ZNF469: variants seen among roughly 807,000 people sequenced by gnomAD.
The protein encoded by ZNF469 is zinc finger protein 469.
In ZNF469, 1 loss-of-function variant was observed where a neutral mutation model predicts 1.0. The ratio of observed to expected loss-of-function variants is 1.00; its 90% CI spans 0.35 to 4.73. The LOEUF (loss-of-function observed/expected upper bound fraction) is 4.73, where lower values mean the gene tolerates loss of function less well. ZNF469 is among the 30% of genes most tolerant of loss of function. The pLI is 0.16. For synonymous variants in ZNF469, 2,703 were observed against 2,363.4 expected (o/e 1.14, Z -4.17); for missense variants, 6,100 against 5,356.3 (o/e 1.14, Z -4.33).
intron 1 of ZNF469, among the ~76,000 whole-genome samples, chr16:88,399,810 T>C (rs1042168101): frequency 3.9e-5 from 6 of 152,026 alleles, no homozygotes; most frequent in African/African-American, 1.4e-4. Flanking sequence ...CTCGCAGGAG[T>C]GCACAGGAGG....
chr16:88,256,155 G>T, the ZNF469 span, among the ~76,000 whole-genome samples: 1 of 152,124 alleles, frequency 6.6e-6, no homozygotes. Context: ...CACCATTATG[G>T]TATCATACAA....
chr16:88,176,687 C>G, the ZNF469 span, among the ~76,000 whole-genome samples: 7 of 152,242 alleles, frequency 4.6e-5, no homozygotes, highest in African/African-American at 1.7e-4. Context: ...TTGTCCTTGG[C>G]AGGTTGCTAC....
the ZNF469 span, among the ~76,000 whole-genome samples, chr16:88,283,991 TGCCCG>T: frequency 4.1e-5 from 4 of 97,736 alleles, 1 homozygote; most frequent in African/African-American, 2.0e-4. Context: ...ACCCCGAGTG[TGCCCG>T]AGGTCTGTGG....
chr16:88,271,712 G>A, the ZNF469 span, among the ~76,000 whole-genome samples: 1 of 151,362 alleles, frequency 6.6e-6, no homozygotes, highest in Admixed American at 6.6e-5. Context: ...AGGTCCAATG[G>A]AGACTAAGTA....
At chr16:88,230,282 G>A in the ZNF469 span, among the ~76,000 whole-genome samples, 11 of 152,364 alleles carry the variant, frequency 7.2e-5, no homozygotes, top group African/African-American at 2.4e-4. Context: ...GGGCTGATCC[G>A]AGGCTGCCGT....
chr16:88,345,172 C>T, the ZNF469 span, among the ~76,000 whole-genome samples: 2 of 152,198 alleles, frequency 1.3e-5, no homozygotes, highest in Non-Finnish European at 2.9e-5. Flanking sequence ...AGCCCCCTCC[C>T]GGGCACCCAG....
chr16:88,214,307 A>C, the ZNF469 span, among the ~76,000 whole-genome samples: 1 of 152,156 alleles, frequency 6.6e-6, no homozygotes, highest in Non-Finnish European at 1.5e-5. Context: ...TTTCCTATAA[A>C]GAAGATGTTC....
intron 1 of ZNF469, among the ~76,000 whole-genome samples, chr16:88,407,805 T>C (rs932351631): frequency 2.0e-5 from 3 of 152,242 alleles, no homozygotes; most frequent in African/African-American, 7.2e-5. Context: ...GGCATGGGCA[T>C]CTCCTGTGGA....
Position 88,437,649 on chromosome 16 carries a change from G to A in ZNF469, c.10179G>A (p.Arg3393=). ...HLGGAHGLLE[R]PELQHTPLYA... is the part of the protein sequence containing the mutation. ...GCGGGGCGCACGGGCTGCTGGAGCG[G>A]CCGGAGCTGCAGCACACGCCGCTGT... The change falls in exon 3 of 3, where the codon CGG becomes CGA. Residue 3393 remains arginine (R), a synonymous_variant. Coordinates refer to ENST00000565624, the MANE Select transcript of ZNF469 (RefSeq NM_001367624.2). The A allele has an allele frequency of 6.5e-7, 1 of 1,544,460 alleles. No individual in the cohort carries two copies. The highest frequency in any genetic ancestry group is 1.4e-5 in the African/African-American group (1 of 72,938).
chr16:88,231,674 T>C, the ZNF469 span, among the ~76,000 whole-genome samples: 15 of 152,304 alleles, frequency 9.8e-5, no homozygotes, highest in South Asian at 1.5e-3. This position sits in a 1 kb window ranked among gnomAD's most constrained non-coding sequence, Gnocchi z 4.5. Flanking sequence ...TCTCTGACTC[T>C]GTGTTCCTTC....
the ZNF469 span, among the ~76,000 whole-genome samples, chr16:88,264,028 G>A: frequency 3.9e-5 from 6 of 152,054 alleles, no homozygotes; most frequent in Non-Finnish European, 7.4e-5. Flanking sequence ...GGCAGGCCCA[G>A]TGTCCACACC....
At chr16:88,221,364 G>A in the ZNF469 span, among the ~76,000 whole-genome samples, 2 of 152,192 alleles carry the variant, frequency 1.3e-5, no homozygotes, top group Admixed American at 6.5e-5. Flanking sequence ...CTCTCTGTGG[G>A]CCACTATCGT....
chr16:88,242,684 C>T, the ZNF469 span, among the ~76,000 whole-genome samples: 1 of 152,278 alleles, frequency 6.6e-6, no homozygotes, highest in East Asian at 1.9e-4. Flanking sequence ...CAGGCAGGGT[C>T]CTAGGCAGCA....
Position 88,402,528 on chromosome 16 carries a change from G to T in ZNF469, c.-192+19274G>T, listed in dbSNP as rs557884561. Among the ~76,000 whole-genome samples, 4 of 152,248 alleles carry T rather than the reference G, an allele frequency of 2.6e-5. No individual in the cohort carries two copies. The East Asian group carries it at 7.7e-4, about 29-fold the overall frequency. On this transcript the variant is annotated intron_variant, in intron 1 of 2. Transcript: ENST00000565624. ...GTGTTTGAAGGCCCCTGTGGAGAGG[G>T]ACAGTGTGTCCCTGCAGGGGCCTCA...
the ZNF469 span, among the ~76,000 whole-genome samples, chr16:88,295,609 C>T: frequency 2.0e-5 from 3 of 152,150 alleles, no homozygotes; most frequent in East Asian, 3.8e-4. Context: ...TATCTGAAAG[C>T]GCTGATCTGT....
chr16:88,431,280 C>T lies in ZNF469; in HGVS notation c.3810C>T (p.Pro1270=). The T allele has an allele frequency of 6.5e-7, 1 of 1,550,342 alleles. No homozygotes were observed. Residue 1270 remains proline (P), a synonymous_variant, in exon 3 of 3, where the codon CCC becomes CCT. Transcript: ENST00000565624. ...TCCTGATACCAGAGCAGCCGCCGCC[C>T]AGCAGACATGACACCGGCACCCCCA... ...PGLLIPEQPP[P]SRHDTGTPKP... is the part of the protein sequence containing the mutation.
At chr16:88,119,357 G>C in the ZNF469 span, among the ~76,000 whole-genome samples, 1 of 152,288 alleles carries the variant, frequency 6.6e-6, no homozygotes, top group African/African-American at 2.4e-5. Context: ...AAGCCTGGCC[G>C]TCCGCAGCCT....
the ZNF469 span, among the ~76,000 whole-genome samples, chr16:88,122,269 C>T: frequency 6.6e-6 from 1 of 151,146 alleles, no homozygotes; most frequent in African/African-American, 2.4e-5. Flanking sequence ...ACTCTGATCA[C>T]ACCCCATCAC....
chr16:88,137,267 G>A, the ZNF469 span, among the ~76,000 whole-genome samples: 1 of 152,212 alleles, frequency 6.6e-6, no homozygotes, highest in African/African-American at 2.4e-5. Context: ...GTAAAACCAT[G>A]TGTGTGTATG....
Sources: allele counts gnomAD v4.1 joint callset (sites outside exome capture counted in the v4.1 genomes callset), GRCh38; gene constraint gnomAD v4.1.1; non-coding constraint Gnocchi (gnomAD v3.1); transcripts MANE v1.5; gene names NCBI Gene and HGNC (gene_info 2026-07-23, HGNC 2026-07-21).